HDAC9: variants seen among roughly 807,000 people sequenced by gnomAD.
HDAC9 encodes the protein MEF-2 interacting transcription repressor (MITR) protein.
In HDAC9, 41 loss-of-function variants were observed where a neutral mutation model predicts 139.4. The observed-to-expected ratio is 0.29, with a 90% confidence interval of 0.23 to 0.38. HDAC9 has a LOEUF of 0.38. HDAC9 is among the 10% of genes least tolerant of loss of function. The pLI, the probability that HDAC9 is intolerant of heterozygous loss-of-function variation, is 1.00. For missense variants in HDAC9, 1,147 were observed against 1,297.0 expected (o/e 0.88, Z 1.78); for synonymous variants, 517 against 476.2 (o/e 1.09, Z -1.12).
chr7:18,149,719 T>G (rs1263890557), intron 1 of HDAC9, among the ~76,000 whole-genome samples: 1 of 150,470 alleles, frequency 6.6e-6, no homozygotes, highest in Non-Finnish European at 1.5e-5. Flanking sequence ...CCCAACTAAT[T>G]TAGTTTTTGT....
rs73320060 is a variant in HDAC9 at position 18,875,994 on chromosome 7, A to G, written c.2803+1398A>G. Reference sequence around the variant, plus strand: ...TCTCACTCAGAAGAGAGGAGTGTCTATGTTTAGTCTTTCTCCTTGCCACAG... The same window carrying G: ...TCTCACTCAGAAGAGAGGAGTGTCTGTGTTTAGTCTTTCTCCTTGCCACAG... On this transcript the variant is annotated intron_variant, in intron 22 of 25. Coordinates refer to ENST00000686413, the MANE Select transcript of HDAC9 (RefSeq NM_178425.4). 7.4e-3 allele frequency among the ~76,000 whole-genome samples: 1,134 copies of G among 152,240 alleles called. 19 individuals carry two copies. Among genetic ancestry groups the G allele is most frequent in the African/African-American group, 0.025 (1,059 of 41,550 alleles).
intron 2 of HDAC9, among the ~76,000 whole-genome samples, chr7:18,181,044 A>G (rs1329395046): frequency 6.6e-6 from 1 of 152,084 alleles, no homozygotes; most frequent in African/African-American, 2.4e-5. Context: ...GTATTTTGGG[A>G]CCACCTGGAT....
In HDAC9 at chr7:18,904,633, A is replaced by G. The variant is rs1337071766; in HGVS notation, c.2803+30037A>G. Reference sequence around the variant, plus strand: ...CTCGCTGTCTCCCAGGCTGAAGTGCAGTGACGCGATCCGCTCACTGCAAGC... The same window carrying G: ...CTCGCTGTCTCCCAGGCTGAAGTGCGGTGACGCGATCCGCTCACTGCAAGC... On this transcript the variant is annotated intron_variant, in intron 22 of 25. Transcript: ENST00000686413. Among the ~76,000 whole-genome samples, 8 of 125,792 alleles carry G rather than the reference A, an allele frequency of 6.4e-5. No individual in the cohort carries two copies. The Admixed American group carries it at 7.9e-4, about 12-fold the overall frequency. 82.5% of individuals were successfully genotyped at this position (125,792 alleles called of 152,430 possible).
intron 22 of HDAC9, among the ~76,000 whole-genome samples, chr7:18,907,413 G>A (rs1252533504): frequency 6.6e-6 from 1 of 152,188 alleles, no homozygotes; most frequent in Admixed American, 6.5e-5. Flanking sequence ...TGTTTACAAT[G>A]ACTTTTTAAA....
At chr7:18,563,402 C>T (rs1821212648) in intron 2 of HDAC9, among the ~76,000 whole-genome samples, 1 of 151,922 alleles carries the variant, frequency 6.6e-6, no homozygotes, top group Non-Finnish European at 1.5e-5. Flanking sequence ...ATATAAGCTC[C>T]AGTTATTCAA....
intron 14 of HDAC9, among the ~76,000 whole-genome samples, chr7:18,760,458 A>T (rs1244739198): frequency 6.6e-6 from 1 of 152,190 alleles, no homozygotes; most frequent in Non-Finnish European, 1.5e-5. Context: ...TCAATCAGAA[A>T]GATGGCTGAC....
At chr7:18,759,693 C>T (rs1188506415) in intron 14 of HDAC9, among the ~76,000 whole-genome samples, 1 of 152,094 alleles carries the variant, frequency 6.6e-6, no homozygotes, top group Non-Finnish European at 1.5e-5. Flanking sequence ...TCTCTGGTGC[C>T]AAAAAGATTG....
intron 6 of HDAC9, among the ~76,000 whole-genome samples, chr7:18,605,413 A>G (rs182828914): frequency 8.5e-5 from 13 of 152,304 alleles, no homozygotes; most frequent in African/African-American, 2.9e-4. Flanking sequence ...CCCTTAGGTC[A>G]GATAAGGCTC....
At chr7:18,125,233 C>T (rs1343944322) in intron 1 of HDAC9, among the ~76,000 whole-genome samples, 2 of 151,992 alleles carry the variant, frequency 1.3e-5, no homozygotes, top group African/African-American at 2.4e-5. Flanking sequence ...CCACCCGGGA[C>T]ACTGCCTAGG....
intron 1 of HDAC9, among the ~76,000 whole-genome samples, chr7:18,381,088 A>G (rs1441955377): frequency 1.3e-5 from 2 of 150,716 alleles, no homozygotes; most frequent in African/African-American, 4.9e-5. Context: ...GTCCTGCACT[A>G]CTGGGGAGAC....
At chr7:18,364,327 T>C (rs1429140241) in intron 1 of HDAC9, among the ~76,000 whole-genome samples, 1 of 152,012 alleles carries the variant, frequency 6.6e-6, no homozygotes. Context: ...AGGATTAAGA[T>C]AATATAAGGT....
intron 16 of HDAC9, among the ~76,000 whole-genome samples, chr7:18,783,313 G>T (rs1467183704): frequency 6.6e-6 from 1 of 152,020 alleles, no homozygotes; most frequent in Non-Finnish European, 1.5e-5. Flanking sequence ...ATTTCTCTAT[G>T]AAGTTAATGC....
At chr7:18,835,134 A>G (rs1045218354) in intron 19 of HDAC9, among the ~76,000 whole-genome samples, 1 of 152,162 alleles carries the variant, frequency 6.6e-6, no homozygotes, top group African/African-American at 2.4e-5. Flanking sequence ...GAGTACAAAG[A>G]GCCGGTGTAT....
intron 1 of HDAC9, among the ~76,000 whole-genome samples, chr7:18,488,434 T>A (rs1796129550): frequency 6.6e-6 from 1 of 151,964 alleles, no homozygotes. Context: ...TATGAAACAT[T>A]AGTTTTAGGG....
rs557718225 is a variant in HDAC9 at position 18,988,965 on chromosome 7, G to A, written c.3171-7058G>A. On this transcript the variant is annotated intron_variant, in intron 25 of 25. Transcript: ENST00000686413. ...TTTGAGCCTATGTGTGTCTCTGCACGTGAGATGGGTTTCCTGAATACGGCA... is the reference window on the plus strand; with the variant it reads ...TTTGAGCCTATGTGTGTCTCTGCACATGAGATGGGTTTCCTGAATACGGCA... 2.2e-3 allele frequency among the ~76,000 whole-genome samples: 215 copies of A among 99,514 alleles called. 1 individual carries two copies. Among genetic ancestry groups the A allele is most frequent in the African/African-American group, 7.4e-3 (199 of 26,934 alleles). 65.3% of individuals were successfully genotyped at this position (99,514 alleles called of 152,430 possible).
At position 18,165,878 on chromosome 7, in the gene HDAC9, T is replaced by C. The variant is rs549245425; in HGVS notation, c.25+3529T>C. On this transcript the variant is annotated intron_variant, in intron 2 of 12. Coordinates refer to the HDAC9 transcript ENST00000417496. ...CAATAATTTGAGGGGAACATTCTAGTGGCTTTGCGTCTATCTAGGCCATCT... is the reference window on the plus strand; with the variant it reads ...CAATAATTTGAGGGGAACATTCTAGCGGCTTTGCGTCTATCTAGGCCATCT... 9.9e-5 allele frequency among the ~76,000 whole-genome samples: 15 copies of C among 152,058 alleles called. No individual in the cohort carries two copies. The East Asian group carries it at 1.7e-3, about 18-fold the overall frequency.
intron 21 of HDAC9, among the ~76,000 whole-genome samples, chr7:18,837,993 A>G (rs957958): frequency 0.42 from 63,132 of 151,806 alleles, 13,211 homozygotes; most frequent in South Asian, 0.54. Context: ...TTATCTAGCT[A>G]GGATGCAGAA....
intron 12 of HDAC9, among the ~76,000 whole-genome samples, chr7:18,706,160 C>CTTTTTTTTTTTTTTTTTT (rs1165670432): frequency 8.1e-5 from 7 of 86,762 alleles, no homozygotes; most frequent in Non-Finnish European, 8.6e-5. Context: ...GAAAGTTTTC[C>CTTTTTTTTTTTTTTTTTT]TTTTTTTTTT....
chr7:18,217,597 G>A (rs1224379281), intron 2 of HDAC9, among the ~76,000 whole-genome samples: 3 of 152,132 alleles, frequency 2.0e-5, no homozygotes, highest in African/African-American at 7.2e-5. Context: ...ACTAACATAG[G>A]TGTGCTATCC....
Sources: allele counts gnomAD v4.1 joint callset (sites outside exome capture counted in the v4.1 genomes callset), GRCh38; gene constraint gnomAD v4.1.1; transcripts MANE v1.5; gene names NCBI Gene and HGNC (gene_info 2026-07-23, HGNC 2026-07-21).